HHAT: variants seen among roughly 807,000 people sequenced by gnomAD.
HHAT encodes the protein hedgehog acyltransferase.
A neutral mutation model predicts 70.8 loss-of-function variants in HHAT; 47 were observed. The observed-to-expected ratio is 0.66, with a 90% CI of 0.53 to 0.85. The LOEUF (loss-of-function observed/expected upper bound fraction) is 0.85. Among genes scored for constraint, HHAT ranks in the 40% least tolerant of loss-of-function variants. The probability of loss-of-function intolerance (pLI) is 0.00; values close to 1 mark genes in which losing one functional copy is unlikely to be tolerated. For synonymous variants in HHAT, 228 were observed against 247.6 expected (o/e 0.92, Z 0.74); for missense variants, 609 against 604.8 (o/e 1.01, Z -0.07).
Position 210,593,049 on chromosome 1 carries a change from A to G in HHAT, c.1245+4950A>G, listed in dbSNP as rs566110983. ...CCCCGCTTCCCCCACCCCACGACAG[A>G]CATGGGTGTGTGATGTTTCCCTTCC... is the stretch of plus-strand genomic sequence containing the variant. On this transcript the variant is annotated intron_variant, in intron 10 of 11. Transcript: ENST00000261458. 6.9e-4 allele frequency among the ~76,000 whole-genome samples: 105 copies of G among 152,138 alleles called. 1 individual carries two copies. The highest frequency in any genetic ancestry group is 2.5e-3 in the African/African-American group (102 of 41,520).
At chr1:210,435,828 G>A (rs1479164206) in intron 7 of HHAT, among the ~76,000 whole-genome samples, 2 of 151,102 alleles carry the variant, frequency 1.3e-5, no homozygotes, top group African/African-American at 4.9e-5. Context: ...TTTTTTTGCT[G>A]TCGAGTTGTT....
intron 9 of HHAT, among the ~76,000 whole-genome samples, chr1:210,516,301 G>A (rs1204659743): frequency 2.6e-5 from 4 of 152,088 alleles, no homozygotes; most frequent in Admixed American, 6.5e-5. Context: ...GGCAGCTGGT[G>A]GAGAGGGCGG....
chr1:210,436,100 A>G (rs2093368280), intron 7 of HHAT, among the ~76,000 whole-genome samples: 1 of 151,728 alleles, frequency 6.6e-6, no homozygotes, highest in Non-Finnish European at 1.5e-5. Context: ...CAGGTCTTGG[A>G]TGTAAGTCTT....
chr1:210,533,589 T>C (rs1240352102), intron 9 of HHAT, among the ~76,000 whole-genome samples: 1 of 152,168 alleles, frequency 6.6e-6, no homozygotes, highest in Non-Finnish European at 1.5e-5. Flanking sequence ...AGCTTCTCCA[T>C]CCTATCCTTG....
rs564446408 is a variant in HHAT, at chr1:210,339,345, T to C, written c.-43-9588T>C. 5.3e-5 allele frequency among the ~76,000 whole-genome samples: 8 copies of C among 152,338 alleles called. No homozygotes were observed. In the East Asian group the frequency reaches 1.3e-3, roughly 26 times the overall value. ...GATTTTATTGATTAGTAACTATTTATAATATACCTGGTGTGCTAGATGTGT... is the reference window on the plus strand; with the variant it reads ...GATTTTATTGATTAGTAACTATTTACAATATACCTGGTGTGCTAGATGTGT... On this transcript the variant is annotated intron_variant, in intron 1 of 11. Transcript: ENST00000261458.
chr1:210,596,971 T>C (rs776816282), intron 10 of HHAT, among the ~76,000 whole-genome samples: 3 of 152,208 alleles, frequency 2.0e-5, no homozygotes, highest in Non-Finnish European at 4.4e-5. Context: ...TTGGGAAGGC[T>C]TTCCAGGTAT....
chr1:210,597,725 G>A (rs1663315429), intron 10 of HHAT, among the ~76,000 whole-genome samples: 1 of 152,010 alleles, frequency 6.6e-6, no homozygotes, highest in South Asian at 2.1e-4. Context: ...TTCCTTTCAG[G>A]ACAGTAGGCT....
intron 1 of HHAT, among the ~76,000 whole-genome samples, chr1:210,345,425 G>A (rs1468205112): frequency 1.3e-5 from 2 of 152,212 alleles, no homozygotes; most frequent in Admixed American, 6.5e-5. Context: ...GGTGGCAGGA[G>A]GTGCTCCTTA....
At chr1:210,544,349 CT>C (rs2095460804) in intron 9 of HHAT, among the ~76,000 whole-genome samples, 1 of 110,316 alleles carries the variant, frequency 9.1e-6, no homozygotes, top group African/African-American at 3.4e-5. Flanking sequence ...TTGTTTTTTT[CT>C]TTTCTTTCTT....
chr1:210,502,951 T>A (rs1419220651), intron 8 of HHAT, among the ~76,000 whole-genome samples: 1 of 151,160 alleles, frequency 6.6e-6, no homozygotes, highest in Non-Finnish European at 1.5e-5. Context: ...GTACTCAATA[T>A]ACTGTCTATA....
At chr1:210,585,791 G>T (rs1660308582) in intron 9 of HHAT, among the ~76,000 whole-genome samples, 1 of 152,156 alleles carries the variant, frequency 6.6e-6, no homozygotes, top group South Asian at 2.1e-4. Flanking sequence ...GGGTCATTGA[G>T]TGGAATATTA....
At chr1:210,368,169 T>C (rs1382724601) in intron 3 of HHAT, among the ~76,000 whole-genome samples, 2 of 152,178 alleles carry the variant, frequency 1.3e-5, no homozygotes, top group Non-Finnish European at 2.9e-5. Flanking sequence ...AGGTATATTG[T>C]CATTCATTTT....
At chr1:210,380,074 C>A (rs1157726405) in intron 3 of HHAT, among the ~76,000 whole-genome samples, 16 of 152,142 alleles carry the variant, frequency 1.1e-4, no homozygotes, top group Admixed American at 1.0e-3. Flanking sequence ...TGTGCTGATA[C>A]CAGGTTCCTA....
At chr1:210,402,266 C>G (rs41354049) in intron 5 of HHAT, among the ~76,000 whole-genome samples, 3 of 152,268 alleles carry the variant, frequency 2.0e-5, no homozygotes, top group Non-Finnish European at 4.4e-5. Context: ...CTGAGAGTTG[C>G]GCAGCTTGGA....
At chr1:210,656,609 G>A (rs977913363) in intron 11 of HHAT, among the ~76,000 whole-genome samples, 3 of 152,176 alleles carry the variant, frequency 2.0e-5, no homozygotes, top group East Asian at 1.9e-4. Flanking sequence ...GTGCCTCTCC[G>A]CTCACCGTCA....
chr1:210,422,284 G>A (rs2092926142), intron 7 of HHAT, among the ~76,000 whole-genome samples: 2 of 152,272 alleles, frequency 1.3e-5, no homozygotes, highest in East Asian at 1.9e-4. Flanking sequence ...GGAACATTCA[G>A]TATTTTCCTT....
intron 7 of HHAT, among the ~76,000 whole-genome samples, chr1:210,445,476 C>T (rs1184340493): frequency 6.6e-6 from 1 of 152,138 alleles, no homozygotes; most frequent in African/African-American, 2.4e-5. Flanking sequence ...GTATTCCTTT[C>T]TATGGCTTTA....
chr1:210,637,648 T>C (rs889964038), intron 11 of HHAT, among the ~76,000 whole-genome samples: 1 of 151,762 alleles, frequency 6.6e-6, no homozygotes, highest in African/African-American at 2.4e-5. Flanking sequence ...GATAATGAGG[T>C]CAAGAGATCG....
At chr1:210,565,748 T>G (rs1411916892) in intron 9 of HHAT, among the ~76,000 whole-genome samples, 1 of 152,120 alleles carries the variant, frequency 6.6e-6, no homozygotes, top group Non-Finnish European at 1.5e-5. Context: ...TGTGTTTCTT[T>G]GAAGAGGAGA....
Sources: gnomAD v4.1 joint callset for allele counts (sites outside exome capture counted in the v4.1 genomes callset) on GRCh38, gnomAD v4.1.1 for gene constraint, MANE v1.5 for transcripts, NCBI Gene and HGNC (gene_info 2026-07-23, HGNC 2026-07-21) for gene names.